Variants in DYM observed in about 807,000 individuals in gnomAD.
DYM encodes dymeclin, also known as dyggve-Melchior-Clausen syndrome protein.
Under a neutral mutation model 93.1 loss-of-function variants are expected in DYM, and 78 were observed. The observed-to-expected ratio is 0.84, with a 90% CI of 0.70 to 1.01. The LOEUF is 1.01. DYM is among the 50% of genes least tolerant of loss of function. DYM has a pLI of 0.00. For missense variants in DYM, 789 were observed against 845.0 expected (o/e 0.93, Z 0.82); for synonymous variants, 321 against 319.7 (o/e 1.00, Z -0.04).
chr18:49,196,743 G>A (rs908480135), intron 14 of DYM, among the ~76,000 whole-genome samples: 2 of 152,104 alleles, frequency 1.3e-5, no homozygotes, highest in African/African-American at 4.8e-5. Flanking sequence ...AGCATCCTAA[G>A]GGCAAAGAAA....
chr18:49,163,261 T>C (rs1269847257), intron 15 of DYM, among the ~76,000 whole-genome samples: 2 of 152,214 alleles, frequency 1.3e-5, no homozygotes, highest in East Asian at 1.9e-4. Context: ...TAGAGGTTTC[T>C]TGGGCAGCAA....
At chr18:49,301,316 C>T (rs2060916662) in intron 8 of DYM, among the ~76,000 whole-genome samples, 2 of 151,984 alleles carry the variant, frequency 1.3e-5, no homozygotes, top group East Asian at 1.9e-4. Flanking sequence ...CTCAGGAGAT[C>T]GAGACCATCC....
At chr18:49,095,911 T>C (rs1013520349) in intron 17 of DYM, among the ~76,000 whole-genome samples, 4 of 152,154 alleles carry the variant, frequency 2.6e-5, no homozygotes, top group Non-Finnish European at 4.4e-5. Context: ...AGCCTCGATA[T>C]TTCTACTTTG....
At chr18:49,094,549 G>T (rs945140531) in intron 17 of DYM, among the ~76,000 whole-genome samples, 2 of 152,174 alleles carry the variant, frequency 1.3e-5, no homozygotes, top group African/African-American at 4.8e-5. Flanking sequence ...AGTAAGAAGA[G>T]AATGTTTAGA....
At chr18:49,451,633 A>G in intron 1 of DYM, among the ~76,000 whole-genome samples, 1 of 152,238 alleles carries the variant, frequency 6.6e-6, no homozygotes, top group South Asian at 2.1e-4. Flanking sequence ...GTTCCATCGA[A>G]GCCAATCCAA....
chr18:49,349,086 T>A (rs1005080442), intron 6 of DYM, among the ~76,000 whole-genome samples: 5 of 151,836 alleles, frequency 3.3e-5, no homozygotes, highest in African/African-American at 1.2e-4. Context: ...TGGGCGCCTG[T>A]AATCCCAGCT....
intron 13 of DYM, among the ~76,000 whole-genome samples, chr18:49,215,796 C>T (rs1178012094): frequency 6.6e-6 from 1 of 152,222 alleles, no homozygotes; most frequent in Non-Finnish European, 1.5e-5. Flanking sequence ...AGGAACAGCT[C>T]CGGTCTACAG....
rs578065647 is a variant in DYM at position 49,099,711 on chromosome 18, C to T, written c.1912-2196G>A. 2.6e-5 allele frequency among the ~76,000 whole-genome samples: 4 copies of T among 152,150 alleles called. No homozygotes were observed. In the South Asian group the frequency reaches 6.2e-4, roughly 24 times the overall value. ...TACTAATCACAGCAATTTCACATGACCATCAGCAAGCACAGTATTCACCCA... is the reference window on the plus strand; with the variant it reads ...TACTAATCACAGCAATTTCACATGATCATCAGCAAGCACAGTATTCACCCA... On this transcript the variant is annotated intron_variant, in intron 16 of 17. Coordinates refer to ENST00000675505, the MANE Select transcript of DYM (RefSeq NM_001353214.3).
chr18:49,428,286 A>G (rs1022137626), intron 2 of DYM, among the ~76,000 whole-genome samples: 1 of 151,996 alleles, frequency 6.6e-6, no homozygotes, highest in Non-Finnish European at 1.5e-5. Context: ...CCCCATCTCT[A>G]AAAAGGTAGA....
intron 15 of DYM, among the ~76,000 whole-genome samples, chr18:49,143,785 C>G (rs1199171835): frequency 6.6e-6 from 1 of 152,050 alleles, no homozygotes; most frequent in Non-Finnish European, 1.5e-5. Flanking sequence ...TATACAAAGA[C>G]AGACAGGATA....
At chr18:49,065,966 C>G (rs568147422) in intron 17 of DYM, among the ~76,000 whole-genome samples, 210 of 152,160 alleles carry the variant, frequency 1.4e-3, no homozygotes, top group African/African-American at 4.4e-3. Context: ...CTATCACTTA[C>G]CATAGTTTGT....
At chr18:49,365,260 A>G (rs899855427) in intron 5 of DYM, among the ~76,000 whole-genome samples, 1 of 152,230 alleles carries the variant, frequency 6.6e-6, no homozygotes, top group Admixed American at 6.5e-5. Context: ...GAACTGGCAC[A>G]GTAACCCCGT....
intron 17 of DYM, among the ~76,000 whole-genome samples, chr18:49,089,466 C>A (rs562112639): frequency 6.6e-6 from 1 of 152,196 alleles, no homozygotes; most frequent in Non-Finnish European, 1.5e-5. Flanking sequence ...AGTGAAAGTT[C>A]TCTGTCTTTT....
At chr18:49,272,340 T>C (rs2145542473) in intron 10 of DYM, 37 bp from the exon 11 acceptor site, 5 of 1,277,842 alleles carry the variant, frequency 3.9e-6, no homozygotes, top group Non-Finnish European at 5.7e-6. Context: ...ATTTCAATAC[T>C]TCATTATAAA....
intron 13 of DYM, among the ~76,000 whole-genome samples, chr18:49,217,670 G>A (rs1285571448): frequency 6.6e-6 from 1 of 152,108 alleles, no homozygotes; most frequent in East Asian, 1.9e-4. Context: ...CATAAGTGAA[G>A]GAGAAATAAA....
intron 13 of DYM, among the ~76,000 whole-genome samples, chr18:49,240,721 T>C (rs1465447992): frequency 6.6e-6 from 1 of 152,200 alleles, no homozygotes; most frequent in Admixed American, 6.5e-5. Context: ...AAAAATGCTA[T>C]TCCATCAGAA....
chr18:49,262,185 A>C (rs547150612), intron 11 of DYM, among the ~76,000 whole-genome samples: 1 of 152,312 alleles, frequency 6.6e-6, no homozygotes, highest in South Asian at 2.1e-4. Flanking sequence ...TCCTGAGAGA[A>C]GGATGTGATG....
At chr18:49,192,924 C>T (rs1332544534) in intron 14 of DYM, among the ~76,000 whole-genome samples, 4 of 152,058 alleles carry the variant, frequency 2.6e-5, no homozygotes, top group Admixed American at 6.6e-5. Context: ...AAGGAGATTA[C>T]AGTCAAAGGG....
At chr18:49,144,319 T>G (rs1193585587) in intron 15 of DYM, among the ~76,000 whole-genome samples, 1 of 151,986 alleles carries the variant, frequency 6.6e-6, no homozygotes, top group Non-Finnish European at 1.5e-5. Flanking sequence ...GTTTTTTTTT[T>G]GCAAGACTAC....
Sources: gnomAD v4.1 joint callset for allele counts (sites outside exome capture counted in the v4.1 genomes callset) on GRCh38, gnomAD v4.1.1 for gene constraint, MANE v1.5 for transcripts, NCBI Gene and HGNC (gene_info 2026-07-23, HGNC 2026-07-21) for gene names.